Variants in CHN2 observed in about 807,000 individuals in gnomAD.
The protein encoded by CHN2 is beta-chimaerin.
CHN2 carries 35 observed loss-of-function variants against 56.3 expected under a neutral mutation model. The observed-to-expected ratio is 0.62, with a 90% CI of 0.47 to 0.82. The LOEUF (loss-of-function observed/expected upper bound fraction) is 0.82, where lower values mean the gene tolerates loss of function less well. Among genes scored for constraint, CHN2 ranks in the 40% least tolerant of loss-of-function variants. The pLI is 0.00. For missense variants in CHN2, 491 were observed against 580.5 expected (o/e 0.85, Z 1.58); for synonymous variants, 210 against 212.8 (o/e 0.99, Z 0.12).
intron 3 of CHN2, among the ~76,000 whole-genome samples, chr7:29,377,375 C>G (rs539240780): frequency 6.6e-6 from 1 of 152,210 alleles, no homozygotes. Flanking sequence ...TCAGCATATA[C>G]TATTATGAAT....
At chr7:29,195,630 G>GAGA in intron 1 of CHN2, among the ~76,000 whole-genome samples, 1 of 82,762 alleles carries the variant, frequency 1.2e-5, no homozygotes, top group Non-Finnish European at 2.2e-5. Flanking sequence ...GAGAGAGAGA[G>GAGA]TGTGTGTGTG....
At chr7:29,482,797 CTTTTTTTTTTTTTTTTTTTTTTTTTTTTT>C (rs375120538) in intron 7 of CHN2, among the ~76,000 whole-genome samples, 1 of 64,206 alleles carries the variant, frequency 1.6e-5, no homozygotes, top group Non-Finnish European at 2.9e-5. Flanking sequence ...GCACTTTTTT[CTTTTTTTTTTTTTTTTTTTTTTTTTTTTT>C]TTTTTTTTTT....
chr7:29,326,553 A>G (rs1456434760), intron 1 of CHN2, among the ~76,000 whole-genome samples: 1 of 152,172 alleles, frequency 6.6e-6, no homozygotes, highest in Admixed American at 6.5e-5. Flanking sequence ...GTCCCTGTTC[A>G]CCAGAGCAGC....
intron 6 of CHN2, among the ~76,000 whole-genome samples, chr7:29,460,210 C>A (rs1403694968): frequency 6.6e-6 from 1 of 152,194 alleles, no homozygotes; most frequent in Non-Finnish European, 1.5e-5. Flanking sequence ...GGAACCACTG[C>A]ATTATTGGCC....
At position 29,499,989 on chromosome 7, in the gene CHN2, A is replaced by G; in HGVS notation, c.862A>G (p.Thr288Ala). The G allele has an allele frequency of 6.2e-7, 1 of 1,601,082 alleles. No individual in the cohort carries two copies. Among genetic ancestry groups the G allele is most frequent in the Admixed American group, 1.7e-5 (1 of 57,182 alleles). The change falls in exon 9 of 13, where the codon ACT becomes GCT. Residue 288 changes from threonine (T) to alanine (A), a missense_variant. Coordinates refer to ENST00000222792, the MANE Select transcript of CHN2 (RefSeq NM_004067.4). ...CACAACACTTGTGAAGGCTCACAAC[A>G]CTCAGAGACCCATGGTGGTAGACAT... ...DLTTLVKAHN[T>A]QRPMVVDICI...
intron 1 of CHN2, among the ~76,000 whole-genome samples, chr7:29,305,420 A>T (rs1794060934): frequency 6.6e-6 from 1 of 152,044 alleles, no homozygotes; most frequent in Non-Finnish European, 1.5e-5. Flanking sequence ...AGCACCCAAC[A>T]TTCTAACAGG....
intron 6 of CHN2, among the ~76,000 whole-genome samples, chr7:29,429,358 A>G (rs1026436922): frequency 1.3e-5 from 2 of 152,258 alleles, no homozygotes; most frequent in African/African-American, 4.8e-5. Context: ...TAAGAGTGAA[A>G]TAGTCTATAA....
At chr7:29,235,568 C>T (rs1435895138) in intron 1 of CHN2, among the ~76,000 whole-genome samples, 4 of 152,162 alleles carry the variant, frequency 2.6e-5, no homozygotes, top group African/African-American at 9.7e-5. Flanking sequence ...ATCATTCTAC[C>T]ATAAAGACAC....
intron 7 of CHN2, among the ~76,000 whole-genome samples, chr7:29,494,968 A>T (rs1789102915): frequency 6.6e-6 from 1 of 150,458 alleles, no homozygotes; most frequent in Non-Finnish European, 1.5e-5. Context: ...AAAAAAAAAA[A>T]AAAAAAAAAA....
intron 7 of CHN2, among the ~76,000 whole-genome samples, chr7:29,490,663 A>G (rs560720276): frequency 6.6e-6 from 1 of 152,366 alleles, no homozygotes; most frequent in African/African-American, 2.4e-5. Flanking sequence ...CACTTCTGAG[A>G]TATACCAAGT....
chr7:29,253,928 G>A (rs1426057529), intron 1 of CHN2, among the ~76,000 whole-genome samples: 5 of 152,100 alleles, frequency 3.3e-5, no homozygotes, highest in African/African-American at 7.2e-5. Context: ...TTTTCGAGAC[G>A]GAGTCTTGCT....
intron 1 of CHN2, among the ~76,000 whole-genome samples, chr7:29,323,030 T>G (rs1276129878): frequency 6.6e-6 from 1 of 152,188 alleles, no homozygotes; most frequent in Non-Finnish European, 1.5e-5. Context: ...GGCATGCACC[T>G]GTAGTCTCAG....
At chr7:29,196,165 A>C (rs765765173) in intron 1 of CHN2, among the ~76,000 whole-genome samples, 15 of 152,356 alleles carry the variant, frequency 9.8e-5, no homozygotes, top group Middle Eastern at 3.4e-3. Context: ...CCACAGCTTT[A>C]GATGTGTAAC....
intron 1 of CHN2, among the ~76,000 whole-genome samples, chr7:29,224,845 A>G (rs962406196): frequency 6.6e-6 from 1 of 152,230 alleles, no homozygotes; most frequent in African/African-American, 2.4e-5. Flanking sequence ...AGAGCCCAGC[A>G]TAGTGCTGTC....
At chr7:29,390,664 A>G (rs3828984) in intron 3 of CHN2, among the ~76,000 whole-genome samples, 7,964 of 152,314 alleles carry the variant, frequency 0.052, 265 homozygotes, top group South Asian at 0.09. Context: ...ATCTCATACA[A>G]TTGGAAACAG....
chr7:29,502,845 T>C lies in CHN2; in HGVS notation c.914-1899T>C, dbSNP rs530999632. Among the ~76,000 whole-genome samples, 42 of 152,252 alleles carry C rather than the reference T, an allele frequency of 2.8e-4. No individual in the cohort carries two copies. The South Asian group carries it at 3.1e-3, about 11-fold the overall frequency. ...TTGCTGCACCTATCAACCTGTCATC[T>C]AAGTCTTAGGCCCTGTATGCATTAG... On this transcript the variant is annotated intron_variant, in intron 9 of 12. Transcript: ENST00000222792.
intron 8 of CHN2, among the ~76,000 whole-genome samples, chr7:29,498,793 C>A (rs1322117638): frequency 9.2e-5 from 12 of 129,934 alleles, no homozygotes; most frequent in Non-Finnish European, 1.7e-4. Context: ...GACAGAGTCT[C>A]CCTCTGTCAC....
rs544479764 is a variant in CHN2, at chr7:29,430,069, G to A, written c.576+29241G>A. Reference sequence around the variant, plus strand: ...CTTAGAAAGAAACACGCTTTGCATAGGATATATTGCTTAATATTTTCTTAG... The same window carrying A: ...CTTAGAAAGAAACACGCTTTGCATAAGATATATTGCTTAATATTTTCTTAG... On this transcript the variant is annotated intron_variant, in intron 6 of 12. Transcript: ENST00000222792. Among the ~76,000 whole-genome samples the A allele has an allele frequency of 2.0e-5, 3 of 152,300 alleles. No individual in the cohort carries two copies. The East Asian group carries it at 5.8e-4, about 29-fold the overall frequency.
At chr7:29,244,815 C>T (rs1237221853) in intron 1 of CHN2, among the ~76,000 whole-genome samples, 2 of 152,164 alleles carry the variant, frequency 1.3e-5, no homozygotes, top group Non-Finnish European at 2.9e-5. Flanking sequence ...TTTAAGGAGG[C>T]GTGAACTCTC....
Sources: allele counts gnomAD v4.1 joint callset (sites outside exome capture counted in the v4.1 genomes callset), GRCh38; gene constraint gnomAD v4.1.1; transcripts MANE v1.5; gene names NCBI Gene and HGNC (gene_info 2026-07-23, HGNC 2026-07-21).